The following ITPKC variants were observed in gnomAD, a reference collection of about 807,000 sequenced individuals.
The protein encoded by ITPKC is inositol-trisphosphate 3-kinase C.
ITPKC carries 33 observed loss-of-function variants against 67.1 expected under a neutral mutation model. The observed-to-expected ratio is 0.49, with a 90% confidence interval of 0.37 to 0.66. The LOEUF (loss-of-function observed/expected upper bound fraction) is 0.66, where lower values mean the gene tolerates loss of function less well. Among genes scored for constraint, ITPKC ranks in the 30% least tolerant of loss-of-function variants. ITPKC has a pLI of 0.00. For missense variants in ITPKC, 820 were observed against 892.1 expected, an observed-to-expected ratio of 0.92 and a Z score of 1.03; for synonymous variants, 341 against 359.8, an observed-to-expected ratio of 0.95 and a Z score of 0.59.
intron 6 of ITPKC, 146 bp downstream of exon 6, chr19:40,737,915 C>T: frequency 2.0e-6 from 1 of 512,322 alleles, no homozygotes; most frequent in South Asian, 1.8e-5. Context: ...CTTTGGGAGG[C>T]TGAGGTGGGA....
intron 5 of ITPKC, 90 bp downstream of exon 5, chr19:40,737,177 TG>T: frequency 3.3e-6 from 3 of 917,024 alleles, no homozygotes; most frequent in Non-Finnish European, 1.7e-6. Context: ...CTGCTTTGGG[TG>T]GGGCTGGACT....
chr19:40,732,521 C>CAAAA (rs33945584), intron 3 of ITPKC, among the ~76,000 whole-genome samples: 1 of 77,588 alleles, frequency 1.3e-5, no homozygotes, highest in African/African-American at 4.9e-5. Context: ...GGGCGGGCGT[C>CAAAA]AAAAAAAAAA....
intron 2 of ITPKC, among the ~76,000 whole-genome samples, chr19:40,728,040 A>G (rs1409453862): frequency 1.3e-5 from 2 of 152,172 alleles, no homozygotes; most frequent in African/African-American, 2.4e-5. Flanking sequence ...AGGATCAGGA[A>G]TGGGTCTGAG....
intron 1 of ITPKC, 83 bp downstream of exon 1, chr19:40,718,373 A>C: frequency 6.9e-7 from 1 of 1,450,692 alleles, no homozygotes; most frequent in Non-Finnish European, 9.0e-7. Context: ...TTCTCTACCC[A>C]TTTACTGTTA....
intron 1 of ITPKC, among the ~76,000 whole-genome samples, chr19:40,719,117 C>T (rs922090265): frequency 2.6e-5 from 4 of 152,182 alleles, no homozygotes; most frequent in African/African-American, 9.7e-5. Flanking sequence ...CATCAGCTTG[C>T]CAGCTTGCCT....
rs1467641270 is a variant in ITPKC, at chr19:40,729,320, C to T, written c.1374C>T (p.Gly458=). Residue 458 remains glycine (G), a synonymous_variant, in exon 3 of 7, where the codon GGC becomes GGT. Transcript: ENST00000263370. ...GACCTTTCGTGCCTGCCTACTATGGCATGGTGCTGCAGGATGGCCAGACCT... is the reference window on the plus strand; with the variant it reads ...GACCTTTCGTGCCTGCCTACTATGGTATGGTGCTGCAGGATGGCCAGACCT... ...PLRPFVPAYY[G]MVLQDGQTFN... is the part of the protein sequence containing the mutation. The T allele has an allele frequency of 4.3e-6, 7 of 1,614,066 alleles. No individual in the cohort carries two copies. Among genetic ancestry groups the T allele is most frequent in the Admixed American group, 3.3e-5 (2 of 60,000 alleles).
intron 2 of ITPKC, 75 bp from the exon 3 acceptor site, chr19:40,729,127 T>G (rs867402774): frequency 8.4e-7 from 1 of 1,183,460 alleles, no homozygotes; most frequent in Middle Eastern, 1.9e-4. Context: ...CAGGATCTGA[T>G]GCAAACAGGC....
chr19:40,727,272 T>C (rs1430001622), intron 2 of ITPKC, among the ~76,000 whole-genome samples: 1 of 151,822 alleles, frequency 6.6e-6, no homozygotes, highest in Non-Finnish European at 1.5e-5. Context: ...AGGCGGAGGT[T>C]GCAGTGAGCC....
chr19:40,720,945 T>C (rs1476847021), intron 1 of ITPKC, among the ~76,000 whole-genome samples: 1 of 152,128 alleles, frequency 6.6e-6, no homozygotes, highest in Non-Finnish European at 1.5e-5. Context: ...CTCTTTCTTT[T>C]TCTTTTTTTG....
rs1568448880 is a variant in ITPKC at position 40,725,327 on chromosome 19, C to T, written c.1156-13C>T. 6.3e-7 allele frequency: 1 copy of T among 1,590,108 alleles called. No homozygotes were observed. Among genetic ancestry groups the T allele is most frequent in the Non-Finnish European group, 8.6e-7 (1 of 1,158,162 alleles). ...GCCTTGGCCCTGACCCCACCCTGCTCTGCTCCCTACAGAGCAAACCCTGGA... is the reference window on the plus strand; with the variant it reads ...GCCTTGGCCCTGACCCCACCCTGCTTTGCTCCCTACAGAGCAAACCCTGGA... On this transcript the variant is annotated splice_polypyrimidine_tract_variant and intron_variant, in intron 1 of 6. Coordinates refer to ENST00000263370, the MANE Select transcript of ITPKC (RefSeq NM_025194.3).
chr19:40,718,468 A>G (rs1173361781), intron 1 of ITPKC, among the ~76,000 whole-genome samples, 178 bp downstream of exon 1: 3 of 152,026 alleles, frequency 2.0e-5, no homozygotes, highest in African/African-American at 7.2e-5. Context: ...AATTCACTCC[A>G]GGCACCCCTT....
chr19:40,737,424 G>T (rs118084522), intron 5 of ITPKC, among the ~76,000 whole-genome samples: 4 of 152,240 alleles, frequency 2.6e-5, no homozygotes, highest in African/African-American at 4.8e-5. Context: ...TCTGCCGTTC[G>T]GCAAGTCATG....
chr19:40,740,473 G>C lies in ITPKC; in HGVS notation c.*913G>C, dbSNP rs2290692. ...ACTCAGGAGGGCCCCATCCAATCCC[G>C]GGCCCCTGCAGGGAAAAGCGCTGGG... On this transcript the variant is annotated 3_prime_UTR_variant, in exon 7 of 7. Coordinates refer to ENST00000263370, the MANE Select transcript of ITPKC (RefSeq NM_025194.3). The C allele has an allele frequency of 0.46, 94,828 of 203,946 alleles. 23,132 individuals are homozygous for C. The highest frequency in any genetic ancestry group is 0.58 in the South Asian group (3,078 of 5,288). 12.6% of individuals were successfully genotyped at this position (203,946 alleles called of 1,614,324 possible).
chr19:40,733,352 C>T lies in ITPKC; in HGVS notation c.1662C>T (p.Ile554=), dbSNP rs750786959. The change falls in exon 4 of 7, where the codon ATC becomes ATT. Residue 554 remains isoleucine, a synonymous_variant. Coordinates refer to ENST00000263370, the MANE Select transcript of ITPKC (RefSeq NM_025194.3). ...MSSTSTLGFR[I]EGIKKADGTC... ...CCACCTCTACCCTGGGCTTCCGGAT[C>T]GAGGGCATCAAGGTGAGGACCAGGA... The T allele has an allele frequency of 5.0e-6, 8 of 1,609,694 alleles. No homozygotes were observed. Among genetic ancestry groups the T allele is most frequent in the Admixed American group, 3.4e-5 (2 of 59,266 alleles).
In ITPKC at chr19:40,737,076, C is replaced by G. The variant is rs753218881; in HGVS notation, c.1765C>G (p.His589Asp). The G allele has an allele frequency of 1.3e-6, 2 of 1,571,714 alleles. No individual in the cohort carries two copies. The highest frequency in any genetic ancestry group is 1.7e-4 in the Middle Eastern group (1 of 6,026). ...GCTGGAGGACTTCGTGGATGGAGACCACGTCATCCTGGTGAGTGGGACACC... is the reference window on the plus strand; with the variant it reads ...GCTGGAGGACTTCGTGGATGGAGACGACGTCATCCTGGTGAGTGGGACACC... ...KVLEDFVDGDHVILQKYVACL... is the reference protein window; with the variant it reads ...KVLEDFVDGDDVILQKYVACL... The change falls in exon 5 of 7, where the codon CAC (histidine) becomes GAC (aspartate). Residue 589 changes from histidine to aspartate, a missense_variant. Physicochemically the swap from His to Asp is moderately conservative, Grantham distance 81 (BLOSUM62 -1). This residue lies in a region of ITPKC where 339 missense variants were observed against 422.0 expected (regional missense o/e 0.80). Transcript: ENST00000263370.
At chr19:40,725,250 G>C (rs2082241131) in intron 1 of ITPKC, 90 bp from the exon 2 acceptor site, 1 of 785,572 alleles carries the variant, frequency 1.3e-6, no homozygotes, top group East Asian at 2.5e-5. Flanking sequence ...AAAGACTGCA[G>C]GTCCCCTTTC....
chr19:40,734,884 C>T (rs1384219584), intron 4 of ITPKC, among the ~76,000 whole-genome samples: 41 of 149,268 alleles, frequency 2.7e-4, no homozygotes, highest in Admixed American at 2.6e-3. Context: ...CGGGTTCAAG[C>T]GATTCTTCTG....
chr19:40,727,072 C>T (rs1052766805), intron 2 of ITPKC, among the ~76,000 whole-genome samples: 20 of 151,988 alleles, frequency 1.3e-4, no homozygotes, highest in East Asian at 3.9e-4. Flanking sequence ...CGGTGGCTCA[C>T]GCCTGTAATC....
chr19:40,737,917 G>A, intron 6 of ITPKC, 148 bp downstream of exon 6: 1 of 561,440 alleles, frequency 1.8e-6, no homozygotes, highest in Non-Finnish European at 3.2e-6. Context: ...TTGGGAGGCT[G>A]AGGTGGGAGG....
Sources: gnomAD v4.1 joint callset for allele counts (sites outside exome capture counted in the v4.1 genomes callset) on GRCh38, gnomAD v4.1.1 for gene constraint, gnomAD v4.1.1 regional missense constraint, MANE v1.5 for transcripts, NCBI Gene and HGNC (gene_info 2026-07-23, HGNC 2026-07-21) for gene names.